Variants in SYTL5 observed in about 807,000 individuals in gnomAD.
SYTL5 encodes synaptotagmin-like protein 5.
Under a neutral mutation model 55.9 loss-of-function variants are expected in SYTL5, and 34 were observed. The ratio of observed to expected loss-of-function variants is 0.61; its 90% confidence interval spans 0.46 to 0.81. The LOEUF (loss-of-function observed/expected upper bound fraction) is 0.81. SYTL5 is among the 30% of genes least tolerant of loss of function. The pLI is 0.00. For missense variants in SYTL5, 637 were observed against 546.7 expected (o/e 1.17, Z -1.65); for synonymous variants, 221 against 188.7 (o/e 1.17, Z -1.40).
At chrX:38,049,315 T>G (rs1234479549) in intron 2 of SYTL5, among the ~76,000 whole-genome samples, 1 of 111,856 alleles carries the variant, frequency 8.9e-6, no homozygotes. Context: ...TCTTATTGTA[T>G]TTTTTTGGGA....
chrX:37,976,565 A>T, the SYTL5 span, among the ~76,000 whole-genome samples: 1 of 111,897 alleles, frequency 8.9e-6, no homozygotes, highest in Non-Finnish European at 1.9e-5. Flanking sequence ...TCACCTTGAC[A>T]CTCATAAAAG....
At chrX:37,966,436 CTT>C in the SYTL5 span, among the ~76,000 whole-genome samples, 1,921 of 77,922 alleles carry the variant, frequency 0.025, 16 homozygotes, top group African/African-American at 0.042. Flanking sequence ...TTTTCTTTTT[CTT>C]TTTTTTTTTT....
rs1937694986 is a variant in SYTL5, at chrX:38,127,811, G to A, written c.*1081G>A. The A allele has an allele frequency of 8.9e-6, 1 of 112,149 alleles. No homozygotes were observed. Among genetic ancestry groups the A allele is most frequent in the South Asian group, 3.7e-4 (1 of 2,684 alleles). 9.2% of individuals were successfully genotyped at this position (112,149 alleles called of 1,213,427 possible). A position where few individuals can be genotyped will look rare whatever the true frequency, so the allele number is the denominator to read the frequency against. On this transcript the variant is annotated 3_prime_UTR_variant, in exon 17 of 17. Transcript: ENST00000297875. ...CTCTGCTTCCTGCTATAGGCCTGAG[G>A]TTCTAGGGCTTCTTATGCCTCATCC...
intron 9 of SYTL5, among the ~76,000 whole-genome samples, chrX:38,100,285 T>C (rs1937049588): frequency 9.0e-6 from 1 of 111,307 alleles, no homozygotes; most frequent in South Asian, 3.8e-4. Flanking sequence ...AGTTCTCATT[T>C]AACATCATCA....
chrX:37,926,197 TG>T, the SYTL5 span, among the ~76,000 whole-genome samples: 82 of 112,019 alleles, frequency 7.3e-4, no homozygotes, highest in African/African-American at 2.5e-3. Flanking sequence ...CATACTGTTT[TG>T]GTTTTGATTT....
intron 8 of SYTL5, among the ~76,000 whole-genome samples, chrX:38,094,707 G>A (rs1325280313): frequency 9.0e-6 from 1 of 111,303 alleles, no homozygotes; most frequent in Non-Finnish European, 1.9e-5. Flanking sequence ...TTTGAATGAA[G>A]GAAATATAAA....
intron 13 of SYTL5, among the ~76,000 whole-genome samples, chrX:38,112,689 C>T (rs1205260076): frequency 1.8e-5 from 2 of 112,042 alleles, no homozygotes; most frequent in Non-Finnish European, 3.8e-5. Context: ...CTATCATGCT[C>T]TATATGCTGC....
intron 1 of SYTL5, among the ~76,000 whole-genome samples, chrX:38,020,955 A>T (rs2147139074): frequency 8.9e-6 from 1 of 111,859 alleles, no homozygotes; most frequent in Admixed American, 9.5e-5. Flanking sequence ...CAGGGAGTAG[A>T]ATTTTAATTC....
chrX:38,005,745 T>C (rs1272267942), upstream of SYTL5, among the ~76,000 whole-genome samples: 2 of 111,687 alleles, frequency 1.8e-5, no homozygotes, highest in African/African-American at 6.5e-5. Context: ...GTATGAGTTT[T>C]TTAACATAAG....
At chrX:38,106,020 T>A (rs948136337) in intron 10 of SYTL5, among the ~76,000 whole-genome samples, 1 of 112,099 alleles carries the variant, frequency 8.9e-6, no homozygotes, top group African/African-American at 3.2e-5. Flanking sequence ...AGCTACTCAG[T>A]TGAGGGAAAT....
At chrX:38,003,049 G>A, upstream of SYTL5, among the ~76,000 whole-genome samples, 1 of 111,648 alleles carries the variant, frequency 9.0e-6, no homozygotes, top group Middle Eastern at 4.6e-3. Context: ...TTTGTATAAG[G>A]TGCAAGGAAG....
chrX:38,043,690 T>TATATATATAC (rs1366385489), intron 2 of SYTL5, among the ~76,000 whole-genome samples: 1 of 69,527 alleles, frequency 1.4e-5, no homozygotes, highest in African/African-American at 8.3e-5. Flanking sequence ...TATATATATA[T>TATATATATAC]ACATATATAT....
At chrX:38,098,768 A>T (rs189580553) in intron 9 of SYTL5, among the ~76,000 whole-genome samples, 1 of 111,331 alleles carries the variant, frequency 9.0e-6, no homozygotes, top group East Asian at 2.8e-4. Flanking sequence ...AATAGCCAAA[A>T]AGTGAAAATA....
chrX:37,922,883 T>A, the SYTL5 span, among the ~76,000 whole-genome samples: 1 of 111,671 alleles, frequency 9.0e-6, no homozygotes, highest in African/African-American at 3.3e-5. Context: ...TCACCCCTGC[T>A]TCCTAGTAAC....
At chrX:37,991,871 C>T in the SYTL5 span, among the ~76,000 whole-genome samples, 6 of 111,765 alleles carry the variant, frequency 5.4e-5, no homozygotes, top group East Asian at 1.1e-3. Flanking sequence ...ATTATGAAAG[C>T]GGATTTGAGA....
intron 2 of SYTL5, among the ~76,000 whole-genome samples, chrX:38,053,029 G>C (rs959719872): frequency 1.8e-5 from 2 of 112,291 alleles, no homozygotes; most frequent in Non-Finnish European, 1.9e-5. Context: ...TGAGATTTGC[G>C]AATCAGTATT....
At chrX:37,948,059 T>C in the SYTL5 span, among the ~76,000 whole-genome samples, 1 of 111,734 alleles carries the variant, frequency 8.9e-6, no homozygotes. Flanking sequence ...TGTTTCAGTA[T>C]GAGAATATTT....
At chrX:38,063,261 A>T (rs750957873) in intron 3 of SYTL5, among the ~76,000 whole-genome samples, 6 of 111,613 alleles carry the variant, frequency 5.4e-5, no homozygotes, top group Non-Finnish European at 1.1e-4. Flanking sequence ...GGAAAGATTC[A>T]TATTGGAGTA....
chrX:38,079,118 C>T (rs1331587967), intron 6 of SYTL5, among the ~76,000 whole-genome samples: 1 of 111,758 alleles, frequency 8.9e-6, no homozygotes, highest in African/African-American at 3.3e-5. Flanking sequence ...GGTAGCCCAT[C>T]TTTTCTTAAC....
Sources: gnomAD v4.1 joint callset for allele counts (sites outside exome capture counted in the v4.1 genomes callset) on GRCh38, gnomAD v4.1.1 for gene constraint, MANE v1.5 for transcripts, NCBI Gene and HGNC (gene_info 2026-07-23, HGNC 2026-07-21) for gene names.